Variants in CDH18 observed in about 807,000 individuals in gnomAD.
CDH18 encodes cadherin 18.
In CDH18, 31 loss-of-function variants were observed where a neutral mutation model predicts 67.9. The observed-to-expected ratio is 0.46, with a 90% CI of 0.34 to 0.62. CDH18 has a LOEUF of 0.62. Ranked by LOEUF, CDH18 falls within the 20% of genes least tolerant of loss-of-function variation. The pLI is 0.01. For missense variants in CDH18, 890 were observed against 975.5 expected, an observed-to-expected ratio of 0.91 and a Z score of 1.17; for synonymous variants, 362 against 347.2, an observed-to-expected ratio of 1.04 and a Z score of -0.48.
intron 3 of CDH18, among the ~76,000 whole-genome samples, chr5:19,811,140 AAGAAAGAAAGAAAGAAAGAAGG>A (rs779808053): frequency 0.022 from 2,606 of 119,768 alleles, 77 homozygotes; most frequent in Non-Finnish European, 0.025. Flanking sequence ...GAAAGAAAGA[AAGAAAGAAAGAAAGAAAGAAGG>A]AGAGAAAGAA....
intron 3 of CDH18, among the ~76,000 whole-genome samples, chr5:19,824,265 G>C (rs1273371136): frequency 6.6e-6 from 1 of 152,154 alleles, no homozygotes; most frequent in Non-Finnish European, 1.5e-5. Context: ...GACCCTGCAA[G>C]CTGATCAACT....
intron 10 of CDH18, among the ~76,000 whole-genome samples, chr5:19,517,787 C>G (rs569817635): frequency 1.3e-5 from 2 of 152,076 alleles, no homozygotes; most frequent in East Asian, 3.9e-4. Context: ...AATTGAAAAA[C>G]TTTTATATTA....
intron 1 of CDH18, among the ~76,000 whole-genome samples, chr5:20,424,917 C>T (rs927982330): frequency 2.0e-5 from 3 of 150,432 alleles, no homozygotes; most frequent in South Asian, 2.1e-4. Flanking sequence ...TAAGAGCAAA[C>T]GTTGGCAGAG....
chr5:20,403,850 A>T (rs2150132995), intron 1 of CDH18, among the ~76,000 whole-genome samples: 1 of 152,266 alleles, frequency 6.6e-6, no homozygotes, highest in South Asian at 2.1e-4. Flanking sequence ...AAAACCAGGC[A>T]TTTACTTCTC....
At chr5:20,412,986 C>T (rs1020365096) in intron 1 of CDH18, among the ~76,000 whole-genome samples, 26 of 152,090 alleles carry the variant, frequency 1.7e-4, no homozygotes, top group Admixed American at 1.0e-3. Flanking sequence ...CGACAGGCCC[C>T]GGTGTGTGAT....
intron 1 of CDH18, among the ~76,000 whole-genome samples, chr5:19,982,425 T>A (rs185128483): frequency 1.7e-3 from 258 of 152,126 alleles, no homozygotes; most frequent in East Asian, 6.8e-3. Flanking sequence ...GAAAATTTTT[T>A]AAAAATTATA....
intron 1 of CDH18, among the ~76,000 whole-genome samples, chr5:20,257,474 CTCTAT>C (rs1205375967): frequency 8.5e-5 from 4 of 47,036 alleles, no homozygotes; most frequent in Admixed American, 6.4e-4. Context: ...TTTATCTTGG[CTCTAT>C]TGCTCTATTG....
intron 1 of CDH18, among the ~76,000 whole-genome samples, chr5:20,348,150 G>A (rs1481763383): frequency 6.6e-6 from 1 of 152,156 alleles, no homozygotes; most frequent in African/African-American, 2.4e-5. Flanking sequence ...TAGTAAATTT[G>A]TGGCTATGAG....
At chr5:20,414,837 C>T (rs914948958) in intron 1 of CDH18, among the ~76,000 whole-genome samples, 3 of 152,050 alleles carry the variant, frequency 2.0e-5, no homozygotes, top group African/African-American at 7.2e-5. Flanking sequence ...ACAGCAAAAA[C>T]AAATGTTGCT....
intron 1 of CDH18, among the ~76,000 whole-genome samples, chr5:20,486,253 C>T (rs1485600810): frequency 6.6e-6 from 1 of 151,850 alleles, no homozygotes; most frequent in South Asian, 2.1e-4. Flanking sequence ...AAAGAGTAAG[C>T]GATATCTAAG....
chr5:20,157,803 A>G (rs1036327641), intron 2 of CDH18, among the ~76,000 whole-genome samples: 10 of 151,680 alleles, frequency 6.6e-5, no homozygotes, highest in Non-Finnish European at 1.2e-4. Flanking sequence ...CACCACACCC[A>G]GCTAATTTTT....
At chr5:19,720,782 A>G (rs553984145) in intron 5 of CDH18, among the ~76,000 whole-genome samples, 2 of 152,286 alleles carry the variant, frequency 1.3e-5, no homozygotes, top group African/African-American at 2.4e-5. Context: ...CTTTGACATT[A>G]TTTTAATTCT....
chr5:19,877,175 A>G (rs893376930), intron 2 of CDH18, among the ~76,000 whole-genome samples: 4 of 152,130 alleles, frequency 2.6e-5, no homozygotes, highest in Non-Finnish European at 5.9e-5. Flanking sequence ...AGCGTGCTAC[A>G]GTTTTGGTAA....
chr5:19,820,486 G>A (rs536857275), intron 3 of CDH18, among the ~76,000 whole-genome samples: 79 of 152,194 alleles, frequency 5.2e-4, no homozygotes, highest in African/African-American at 1.9e-3. Flanking sequence ...TCCACCCTAG[G>A]CCCACCGCAT....
chr5:19,856,704 C>CA (rs67234901), intron 2 of CDH18, among the ~76,000 whole-genome samples: 74,721 of 147,880 alleles, frequency 0.51, 18,451 homozygotes, highest in Middle Eastern at 0.63. Context: ...AAAGAGGCAG[C>CA]AAAAAAAAAA....
chr5:20,502,591 AC>A (rs1259739370), intron 1 of CDH18, among the ~76,000 whole-genome samples: 2 of 152,132 alleles, frequency 1.3e-5, no homozygotes, highest in Non-Finnish European at 2.9e-5. Context: ...GTGTAGATTA[AC>A]CCTGTTCTGT....
intron 1 of CDH18, among the ~76,000 whole-genome samples, chr5:20,563,602 G>T (rs553872356): frequency 7.2e-4 from 109 of 152,116 alleles, no homozygotes; most frequent in Non-Finnish European, 1.2e-3. Context: ...CAAGGTGCAG[G>T]TTTGTTACAT....
intron 2 of CDH18, among the ~76,000 whole-genome samples, chr5:19,971,994 A>G (rs1488448448): frequency 6.6e-6 from 1 of 152,068 alleles, no homozygotes; most frequent in African/African-American, 2.4e-5. Context: ...AAAAATACAA[A>G]TGTGCTTTCT....
chr5:20,232,733 T>A (rs577819126), intron 2 of CDH18, among the ~76,000 whole-genome samples: 1 of 152,116 alleles, frequency 6.6e-6, no homozygotes, highest in Admixed American at 6.5e-5. Flanking sequence ...CAAAATAGAA[T>A]TTTTTATTTT....
Sources: allele counts gnomAD v4.1 joint callset (sites outside exome capture counted in the v4.1 genomes callset), GRCh38; gene constraint gnomAD v4.1.1; transcripts MANE v1.5; gene names NCBI Gene and HGNC (gene_info 2026-07-23, HGNC 2026-07-21).